Variants in TPM3 observed in about 807,000 individuals in gnomAD.
The protein encoded by TPM3 is tropomyosin 3.
Under a neutral mutation model 43.1 loss-of-function variants are expected in TPM3, and 16 were observed. The observed-to-expected ratio is 0.37, with a 90% confidence interval of 0.25 to 0.56. The LOEUF is 0.56. TPM3 is among the 20% of genes least tolerant of loss of function. TPM3 has a pLI of 0.77. For synonymous variants in TPM3, 101 were observed against 116.9 expected (o/e 0.86, Z 0.88); for missense variants, 176 against 337.2 (o/e 0.52, Z 3.74).
downstream of TPM3, among the ~76,000 whole-genome samples, chr1:154,161,352 C>T (rs1304159646): frequency 2.0e-5 from 3 of 150,822 alleles, no homozygotes; most frequent in East Asian, 1.9e-4. Flanking sequence ...ATATAGATCT[C>T]GTGAACAGCC....
chr1:154,183,670 T>C (rs1663231659), intron 2 of TPM3: 1 of 177,308 alleles, frequency 5.6e-6, no homozygotes, highest in Non-Finnish European at 1.2e-5. Flanking sequence ...GGGCCTCAGG[T>C]TCAAAAGAGC....
intron 2 of TPM3, among the ~76,000 whole-genome samples, chr1:154,189,209 G>A (rs1447045033): frequency 3.7e-5 from 5 of 135,884 alleles, no homozygotes; most frequent in Non-Finnish European, 6.2e-5. Flanking sequence ...TAGGCTGGGC[G>A]CAGTGGCTCA....
intron 6 of TPM3, chr1:154,170,947 G>C: frequency 1.7e-6 from 1 of 577,294 alleles, no homozygotes. Flanking sequence ...ATGGATCTAA[G>C]CTTTGATATT....
intron 2 of TPM3, among the ~76,000 whole-genome samples, chr1:154,184,256 C>T (rs1309614707): frequency 6.6e-6 from 1 of 151,962 alleles, no homozygotes; most frequent in African/African-American, 2.4e-5. Flanking sequence ...CCAGGATGGT[C>T]TCGATCTCCT....
rs768264879 is a variant in TPM3, at chr1:154,163,835, G to C, written c.*4102C>G. ...TTTTTAGTAGAGACGGGGTTTCAAC[G>C]TGTCAGCCAGGATGGTCTTGATCTC... On this transcript the variant is annotated 3_prime_UTR_variant, in exon 10 of 10. Transcript: ENST00000651641. Among the ~76,000 whole-genome samples the C allele has an allele frequency of 6.6e-6, 1 of 151,976 alleles. No homozygotes were observed. The highest frequency in any genetic ancestry group is 2.4e-5 in the African/African-American group (1 of 41,388).
downstream of TPM3, chr1:154,155,968 G>A (rs920294395): frequency 4.9e-5 from 9 of 185,410 alleles, no homozygotes; most frequent in Non-Finnish European, 9.1e-5. Flanking sequence ...GGTGGCTCAC[G>A]CCCGTAATCC....
intron 2 of TPM3, among the ~76,000 whole-genome samples, chr1:154,185,372 CAA>C (rs34650875): frequency 0.16 from 18,622 of 118,816 alleles, 1,687 homozygotes; most frequent in East Asian, 0.35. Context: ...GACTCTGTAT[CAA>C]AAAAAAAAAA....
intron 2 of TPM3, among the ~76,000 whole-genome samples, chr1:154,182,331 G>A (rs1040674855): frequency 6.6e-6 from 1 of 152,224 alleles, no homozygotes; most frequent in Non-Finnish European, 1.5e-5. Flanking sequence ...TGTAGCAGCT[G>A]CAAGAGCACC....
At chr1:154,183,449 C>G (rs1270984607) in intron 2 of TPM3, among the ~76,000 whole-genome samples, 4 of 152,178 alleles carry the variant, frequency 2.6e-5, no homozygotes, top group Admixed American at 2.6e-4. Context: ...TAGCCTCTCC[C>G]GCCAGGCTGG....
downstream of TPM3, chr1:154,157,394 C>T (rs938505032): frequency 5.0e-6 from 3 of 596,622 alleles, no homozygotes; most frequent in African/African-American, 5.5e-5. Flanking sequence ...AGACATTATG[C>T]ATTGTGCTCA....
intron 2 of TPM3, among the ~76,000 whole-genome samples, chr1:154,189,798 C>CAAA (rs1167349462): frequency 3.0e-4 from 13 of 43,756 alleles, no homozygotes; most frequent in African/African-American, 7.1e-4. Context: ...AACCCTGTCT[C>CAAA]AAAAAAAAAA....
At chr1:154,184,636 C>G (rs191872838) in intron 2 of TPM3, among the ~76,000 whole-genome samples, 1 of 152,152 alleles carries the variant, frequency 6.6e-6, no homozygotes, top group Non-Finnish European at 1.5e-5. Context: ...CACTGTCAGC[C>G]GGGCGGGGTG....
At position 154,165,682 on chromosome 1, in the gene TPM3, G is replaced by A. The variant is rs1050071824; in HGVS notation, c.*2255C>T. On this transcript the variant is annotated 3_prime_UTR_variant, in exon 10 of 10. Coordinates refer to ENST00000651641, the MANE Select transcript of TPM3 (RefSeq NM_152263.4). ...CAGGCGCCTGTGATCTCAGCTACTC[G>A]GGAGGCTGAGGTGGGAGAACTGCTT... 2.0e-5 allele frequency among the ~76,000 whole-genome samples: 3 copies of A among 151,338 alleles called. No individual in the cohort carries two copies. The highest frequency in any genetic ancestry group is 2.9e-5 in the Non-Finnish European group (2 of 67,872).
intron 2 of TPM3, among the ~76,000 whole-genome samples, chr1:154,189,479 C>G (rs1363330375): frequency 6.7e-6 from 1 of 149,404 alleles, no homozygotes; most frequent in African/African-American, 2.5e-5. Flanking sequence ...CAGAGCGAGA[C>G]TCCATCTCAA....
At chr1:154,174,398 A>G (rs1349648354) in intron 3 of TPM3, among the ~76,000 whole-genome samples, 3 of 118,282 alleles carry the variant, frequency 2.5e-5, no homozygotes, top group South Asian at 2.8e-4. Flanking sequence ...ATATATATAT[A>G]TATATATATA....
chr1:154,187,367 C>T (rs1571450180), intron 2 of TPM3: 1 of 984,782 alleles, frequency 1.0e-6, no homozygotes, highest in East Asian at 1.1e-4. Context: ...TTCTTGCTTG[C>T]TCCTGGCCAC....
rs1660994728 is a variant in TPM3 at position 154,166,580 on chromosome 1, C to T, written c.*1357G>A. ...GAAAAGCAAATTTTAAATACATACCCTGCTGGGAAACTAAAGTACTAAGTG... is the reference window on the plus strand; with the variant it reads ...GAAAAGCAAATTTTAAATACATACCTTGCTGGGAAACTAAAGTACTAAGTG... On this transcript the variant is annotated 3_prime_UTR_variant, in exon 10 of 10. Transcript: ENST00000651641. 5 of 1,052,664 alleles carry T rather than the reference C, an allele frequency of 4.7e-6. No homozygotes were observed. The South Asian group carries it at 2.3e-4, about 48-fold the overall frequency. The allele number at this position is 1,052,664 out of a possible 1,614,324, so 65.2% of individuals were successfully genotyped here. A position where few individuals can be genotyped will look rare whatever the true frequency, so the allele number is the denominator to read the frequency against.
rs34650875 is a variant in TPM3, at chr1:154,185,372, CAAA to C, written c.243+5811_243+5813del. Among the ~76,000 whole-genome samples, 1,041 of 119,094 alleles carry C rather than the reference CAAA, an allele frequency of 8.7e-3. 23 individuals carry two copies. The highest frequency in any genetic ancestry group is 0.033 in the Middle Eastern group (7 of 214). 78.1% of individuals were successfully genotyped at this position (119,094 alleles called of 152,430 possible). ...CGGGTGACAGAGTGAGACTCTGTAT[CAAA>C]AAAAAAAAAAAAAAAATGGCAAAAC... On this transcript the variant is annotated intron_variant, in intron 2 of 9. Transcript: ENST00000651641.
chr1:154,187,686 A>G (rs1050373194), intron 2 of TPM3, among the ~76,000 whole-genome samples: 13 of 151,496 alleles, frequency 8.6e-5, no homozygotes, highest in Non-Finnish European at 8.8e-5. Flanking sequence ...ATTTTGATGT[A>G]TTGCGTACAG....
Sources: allele counts gnomAD v4.1 joint callset (sites outside exome capture counted in the v4.1 genomes callset), GRCh38; gene constraint gnomAD v4.1.1; transcripts MANE v1.5; gene names NCBI Gene and HGNC (gene_info 2026-07-23, HGNC 2026-07-21).